Variants in GRID2 observed in about 807,000 individuals in gnomAD.
GRID2 encodes glutamate ionotropic receptor delta type subunit 2, also known as glutamate receptor ionotropic, delta-2.
GRID2 carries 33 observed loss-of-function variants against 114.8 expected under a neutral mutation model. That is an observed-to-expected ratio of 0.29 (90% CI 0.22 to 0.38). The LOEUF is 0.38. Among genes scored for constraint, GRID2 ranks in the 10% least tolerant of loss-of-function variants. GRID2 has a pLI of 1.00. For synonymous variants in GRID2, 505 were observed against 449.9 expected (o/e 1.12, Z -1.55); for missense variants, 1,184 against 1,257.7 (o/e 0.94, Z 0.89).
chr4:92,894,753 G>A (rs1323218298), intron 2 of GRID2, among the ~76,000 whole-genome samples: 31 of 152,028 alleles, frequency 2.0e-4, no homozygotes, highest in Admixed American at 2.0e-3. Context: ...TCAGTGAACC[G>A]TGCTTGATTT....
chr4:93,746,119 A>T (rs1174268915), intron 14 of GRID2, among the ~76,000 whole-genome samples: 1 of 152,156 alleles, frequency 6.6e-6, no homozygotes, highest in African/African-American at 2.4e-5. Flanking sequence ...GTTAATTTTT[A>T]AGTTGAGAAA....
At chr4:93,804,107 C>T (rs1330841375) in intron 1 of GRID2, among the ~76,000 whole-genome samples, 1 of 152,104 alleles carries the variant, frequency 6.6e-6, no homozygotes, top group Non-Finnish European at 1.5e-5. Flanking sequence ...TACCATGATG[C>T]CCCTGAATGT....
At chr4:92,562,117 C>G (rs1394379748) in intron 1 of GRID2, among the ~76,000 whole-genome samples, 5 of 152,102 alleles carry the variant, frequency 3.3e-5, no homozygotes. Context: ...GAATTCATTT[C>G]TTACAATTAG....
At chr4:93,459,180 CAAAAAAAAAA>C (rs57937928) in intron 11 of GRID2, among the ~76,000 whole-genome samples, 3 of 50,042 alleles carry the variant, frequency 6.0e-5, no homozygotes, top group South Asian at 8.8e-4. Context: ...AACTCCATCT[CAAAAAAAAAA>C]AAAAAAAAAA....
intron 2 of GRID2, among the ~76,000 whole-genome samples, chr4:92,609,793 G>T (rs1485864090): frequency 6.6e-6 from 1 of 151,284 alleles, no homozygotes; most frequent in Non-Finnish European, 1.5e-5. Context: ...GCCTTGTTTT[G>T]AAAATTCATT....
chr4:92,991,133 G>T (rs186043502), intron 2 of GRID2, among the ~76,000 whole-genome samples: 1 of 152,068 alleles, frequency 6.6e-6, no homozygotes, highest in South Asian at 2.1e-4. Context: ...TGAGATTTAT[G>T]AATATTAAGC....
intron 8 of GRID2, among the ~76,000 whole-genome samples, chr4:93,336,223 A>C (rs2149238777): frequency 6.6e-6 from 1 of 152,240 alleles, no homozygotes; most frequent in South Asian, 2.1e-4. Context: ...AGTCTTTTGA[A>C]CTGTATTCCT....
intron 2 of GRID2, among the ~76,000 whole-genome samples, chr4:93,003,323 A>G (rs1269866171): frequency 2.0e-5 from 3 of 151,952 alleles, no homozygotes; most frequent in Non-Finnish European, 2.9e-5. Context: ...GTTTACAGCC[A>G]TGAATTCAGA....
At chr4:93,276,978 C>A (rs1378333361) in intron 8 of GRID2, among the ~76,000 whole-genome samples, 4 of 151,704 alleles carry the variant, frequency 2.6e-5, no homozygotes, top group African/African-American at 9.7e-5. Context: ...CTGTACAAAG[C>A]AAAATGGATT....
intron 1 of GRID2, among the ~76,000 whole-genome samples, chr4:92,372,511 A>C (rs1435891479): frequency 6.6e-6 from 1 of 152,200 alleles, no homozygotes; most frequent in Non-Finnish European, 1.5e-5. Flanking sequence ...TGAAATTTTA[A>C]AATTAAGGTA....
chr4:93,704,389 G>A (rs1250253463), intron 14 of GRID2, among the ~76,000 whole-genome samples: 2 of 152,108 alleles, frequency 1.3e-5, no homozygotes, highest in Admixed American at 1.3e-4. Context: ...GTAGAGTCTT[G>A]ATATTAGCCG....
intron 2 of GRID2, among the ~76,000 whole-genome samples, chr4:93,042,297 CTCTATATATA>C (rs1441804333): frequency 3.2e-4 from 32 of 99,434 alleles, no homozygotes; most frequent in South Asian, 9.8e-4. Context: ...CTCTCTCTCT[CTCTATATATA>C]TATATATATA....
intron 13 of GRID2, among the ~76,000 whole-genome samples, chr4:93,623,679 A>G (rs944686208): frequency 2.0e-5 from 3 of 152,182 alleles, no homozygotes; most frequent in African/African-American, 7.2e-5. Context: ...TATAACATTT[A>G]TATACTTTTA....
At chr4:93,462,273 A>G (rs560627780) in intron 11 of GRID2, among the ~76,000 whole-genome samples, 1 of 152,292 alleles carries the variant, frequency 6.6e-6, no homozygotes, top group East Asian at 1.9e-4. Flanking sequence ...GGAGTGTTCA[A>G]CATCACGCCG....
chr4:93,107,773 C>A (rs901189719), intron 3 of GRID2, among the ~76,000 whole-genome samples: 1 of 152,088 alleles, frequency 6.6e-6, no homozygotes, highest in Non-Finnish European at 1.5e-5. Flanking sequence ...GGGTTTCAGA[C>A]ATGAGCCAGC....
chr4:93,737,008 T>C (rs974998547), intron 14 of GRID2, among the ~76,000 whole-genome samples: 1 of 152,042 alleles, frequency 6.6e-6, no homozygotes, highest in Non-Finnish European at 1.5e-5. Context: ...GAGGTTTCAT[T>C]CTCACCTTAC....
chr4:93,627,763 G>T (rs2149692383), intron 14 of GRID2, among the ~76,000 whole-genome samples: 1 of 152,332 alleles, frequency 6.6e-6, no homozygotes, highest in African/African-American at 2.4e-5. Flanking sequence ...TTTCTTGCTT[G>T]GATGTGGCAT....
intron 11 of GRID2, among the ~76,000 whole-genome samples, chr4:93,472,173 A>G (rs1021379225): frequency 2.0e-5 from 3 of 151,652 alleles, no homozygotes; most frequent in African/African-American, 2.4e-5. Context: ...ATAAATACAA[A>G]ATTAGCCAAG....
rs1032538170 is a variant in GRID2 at position 92,460,053 on chromosome 4, T to TATATATATATATAC, written c.89-130077_89-130076insTATATATATATACA. 5.3e-4 allele frequency among the ~76,000 whole-genome samples: 53 copies of TATATATATATATAC among 99,748 alleles called. 4 individuals are homozygous for TATATATATATATAC. Among genetic ancestry groups the TATATATATATATAC allele is most frequent in the South Asian group, 3.2e-3 (8 of 2,506 alleles). 65.4% of individuals were successfully genotyped at this position (99,748 alleles called of 152,430 possible). A position where few individuals can be genotyped will look rare whatever the true frequency, so the allele number is the denominator to read the frequency against. On this transcript the variant is annotated intron_variant, in intron 1 of 15. Coordinates refer to ENST00000282020, the MANE Select transcript of GRID2 (RefSeq NM_001510.4). ...CTCACTATATATATATATATATATATACACACACAACTTTTTGGTTCTGTT... is the reference window on the plus strand; with the variant it reads ...CTCACTATATATATATATATATATATATATATATATATACACACACACAACTTTTTGGTTCTGTT...
Sources: gnomAD v4.1 joint callset for allele counts (sites outside exome capture counted in the v4.1 genomes callset) on GRCh38, gnomAD v4.1.1 for gene constraint, MANE v1.5 for transcripts, NCBI Gene and HGNC (gene_info 2026-07-23, HGNC 2026-07-21) for gene names.